MAPKBP1: variants seen among roughly 807,000 people sequenced by gnomAD.
MAPKBP1 encodes the protein mitogen-activated protein kinase-binding protein 1.
MAPKBP1 carries 71 observed loss-of-function variants against 170.5 expected under a neutral mutation model. The observed-to-expected ratio is 0.42, with a 90% CI of 0.34 to 0.51. The LOEUF (loss-of-function observed/expected upper bound fraction) is 0.51, where lower values mean the gene tolerates loss of function less well. Among genes scored for constraint, MAPKBP1 ranks in the 20% least tolerant of loss-of-function variants. The pLI is 0.06. For missense variants in MAPKBP1, 1,598 were observed against 1,933.0 expected, an observed-to-expected ratio of 0.83 and a Z score of 3.25; for synonymous variants, 719 against 757.9, an observed-to-expected ratio of 0.95 and a Z score of 0.84.
At position 41,811,302 on chromosome 15, in the gene MAPKBP1, C is replaced by T. The variant is rs1022910603; in HGVS notation, c.327+67C>T. ...GTGTCCTGGCCTCCGCAGAGAGCTG[C>T]GGTCCTAGGCCTGCTGTCACTTTGG... On this transcript the variant is annotated intron_variant, in intron 5 of 30. Transcript: ENST00000457542. 16 of 1,561,342 alleles carry T rather than the reference C, an allele frequency of 1.0e-5. No homozygotes were observed. In the East Asian group the frequency reaches 1.1e-4, roughly 11 times the overall value.
In MAPKBP1 at chr15:41,817,364, C is replaced by T. The variant is rs753924740; in HGVS notation, c.1712-24C>T. 6.8e-6 allele frequency: 11 copies of T among 1,612,968 alleles called. No homozygotes were observed. In the South Asian group the frequency reaches 1.1e-4, roughly 16 times the overall value. ...TCCCATGTGGTGAGAACAGTGGGAA[C>T]AGCTGGGCTTCCCTCCTTCATAGCC... is the stretch of plus-strand genomic sequence containing the variant. On this transcript the variant is annotated intron_variant, in intron 14 of 30. Coordinates refer to ENST00000457542, the MANE Select transcript of MAPKBP1 (RefSeq NM_014994.3). The surrounding 1 kb of genome is among the most constrained non-coding windows in gnomAD (Gnocchi z 4.2).
At position 41,824,456 on chromosome 15, in the gene MAPKBP1, C is replaced by G. The variant is rs989120243; in HGVS notation, c.4214-28C>G. The G allele has an allele frequency of 2.6e-6, 4 of 1,559,124 alleles. No individual in the cohort carries two copies. The African/African-American group carries it at 5.4e-5, about 21-fold the overall frequency. On this transcript the variant is annotated intron_variant, in intron 29 of 30. Transcript: ENST00000457542. ...GGCCTGAAAGGGCTACATGCTGGGC[C>G]TCACTGAGCTGTATCCGTCTCTTTC...
intron 2 of MAPKBP1, 79 bp downstream of exon 2, chr15:41,775,468 G>C (rs1044569739): frequency 9.4e-7 from 1 of 1,065,464 alleles, no homozygotes; most frequent in Admixed American, 1.9e-5. Flanking sequence ...CCTGTTTCTT[G>C]GGAAAGATAA....
Position 41,818,986 on chromosome 15 carries a change from G to A in MAPKBP1, c.2291+29G>A. The A allele has an allele frequency of 2.5e-6, 4 of 1,609,932 alleles. No homozygotes were observed. Among genetic ancestry groups the A allele is most frequent in the Middle Eastern group, 1.7e-4 (1 of 6,050 alleles). ...AGAACAGAATGTGGGCAAGTGATGG[G>A]TGGGTGTGCAGATGGCTTGCTGGGA... On this transcript the variant is annotated intron_variant, in intron 20 of 30. Coordinates refer to ENST00000457542, the MANE Select transcript of MAPKBP1 (RefSeq NM_014994.3). This position sits in a 1 kb window ranked among gnomAD's most constrained non-coding sequence, Gnocchi z 5.2.
chr15:41,822,809 C>T, intron 27 of MAPKBP1, 130 bp from the exon 28 acceptor site: 1 of 1,460,908 alleles, frequency 6.8e-7, no homozygotes, highest in African/African-American at 1.4e-5. Context: ...GGCTAACTGG[C>T]CTTTCCCCAG....
rs761535097 is a variant in MAPKBP1, at chr15:41,820,899, G to A, written c.2549G>A (p.Arg850His). ...AACCCAGGACCCAGAAGAAGAGGGC[G>A]CTGGGTTCAGCCAGGTGTGGAACTG... ...AANPGPRRRG[R>H]WVQPGVELSV... is the part of the protein sequence containing the mutation. Residue 850 changes from arginine (R) to histidine (H), a missense_variant, in exon 23 of 31, where the codon CGC becomes CAC. Physicochemically the swap from Arg to His is conservative, Grantham distance 29. Around this residue, in one of 6 missense-constraint regions of MAPKBP1, gnomAD observed 942 missense variants for 953.2 expected, o/e 0.99. Transcript: ENST00000457542. 43 of 1,614,156 alleles carry A rather than the reference G, an allele frequency of 2.7e-5. No homozygotes were observed. The highest frequency in any genetic ancestry group is 2.3e-4 in the Admixed American group (14 of 60,004).
chr15:41,799,468 C>G (rs2064552934), intron 2 of MAPKBP1, among the ~76,000 whole-genome samples: 1 of 152,150 alleles, frequency 6.6e-6, no homozygotes, highest in Non-Finnish European at 1.5e-5. Context: ...CTCACAGACC[C>G]AAGAGTCTAG....
Position 41,815,309 on chromosome 15 carries a change from C to T in MAPKBP1, c.1221C>T (p.Ser407=), listed in dbSNP as rs766915233. Residue 407 remains serine (S), a synonymous_variant, in exon 11 of 31, where the codon TCC becomes TCT. Transcript: ENST00000457542. ...ACCAGGCCTGCCTGCCCCCCAGTTC[C>T]TTTATTACCTGCTCCTCAGACAACA... ...DSNQACLPPS[S]FITCSSDNTI... 1.4e-5 allele frequency: 23 copies of T among 1,614,104 alleles called. No homozygotes were observed. The Admixed American group carries it at 3.8e-4, about 27-fold the overall frequency.
rs952522492 is a variant in MAPKBP1 at position 41,811,517 on chromosome 15, G to A, written c.327+282G>A. 6 of 669,612 alleles carry A rather than the reference G, an allele frequency of 9.0e-6. No homozygotes were observed. The African/African-American group carries it at 1.1e-4, about 12-fold the overall frequency. 41.5% of individuals were successfully genotyped at this position (669,612 alleles called of 1,614,324 possible). A position where few individuals can be genotyped will look rare whatever the true frequency, so the allele number is the denominator to read the frequency against. On this transcript the variant is annotated intron_variant, in intron 5 of 30. Coordinates refer to ENST00000457542, the MANE Select transcript of MAPKBP1 (RefSeq NM_014994.3). ...TGCATTTGTAACAAGTTCCCAGAGA[G>A]TGCTGATCCTGCTGGTGAAGGAAGC...
rs753620741 is a variant in MAPKBP1 at position 41,811,193 on chromosome 15, C to T, written c.285C>T (p.Ala95=). The T allele has an allele frequency of 6.2e-7, 1 of 1,614,226 alleles. No homozygotes were observed. The highest frequency in any genetic ancestry group is 2.2e-5 in the East Asian group (1 of 44,878). Residue 95 remains alanine (A), a synonymous_variant, in exon 5 of 31, where the codon GCC becomes GCT. Transcript: ENST00000457542. ...ILNSSRKTIT[A]LAFSPDGKYL... ...TCTCTTGCAGGAAAACCATCACTGCCCTTGCCTTCTCCCCTGATGGCAAGT... is the reference window on the plus strand; with the variant it reads ...TCTCTTGCAGGAAAACCATCACTGCTCTTGCCTTCTCCCCTGATGGCAAGT...
At chr15:41,804,858 T>C (rs2064662411) in intron 3 of MAPKBP1, among the ~76,000 whole-genome samples, 1 of 152,236 alleles carries the variant, frequency 6.6e-6, no homozygotes, top group Non-Finnish European at 1.5e-5. Context: ...AATGGCTTCT[T>C]TTCTGGGTGT....
intron 2 of MAPKBP1, among the ~76,000 whole-genome samples, chr15:41,780,577 T>C (rs1408385473): frequency 6.6e-6 from 1 of 152,234 alleles, no homozygotes; most frequent in Non-Finnish European, 1.5e-5. Flanking sequence ...TTATACTTCA[T>C]GTTCCCACTG....
chr15:41,805,718 T>C (rs1208999105), intron 3 of MAPKBP1, among the ~76,000 whole-genome samples: 1 of 152,210 alleles, frequency 6.6e-6, no homozygotes, highest in African/African-American at 2.4e-5. Context: ...CCTCCTGAAC[T>C]GTGTTCTCGT....
At chr15:41,775,509 CAT>C (rs1351712363) in intron 2 of MAPKBP1, 120 bp downstream of exon 2, 2 of 721,950 alleles carry the variant, frequency 2.8e-6, no homozygotes, top group East Asian at 2.7e-5. Flanking sequence ...TAAAGGATCA[CAT>C]ATGATCTCTG....
chr15:41,799,508 T>A (rs2064553654), intron 2 of MAPKBP1, among the ~76,000 whole-genome samples: 1 of 152,174 alleles, frequency 6.6e-6, no homozygotes, highest in Admixed American at 6.5e-5. Flanking sequence ...AGCTTATACA[T>A]GGTACCTTCC....
In MAPKBP1 at chr15:41,815,381, C is replaced by A; in HGVS notation, c.1293C>A (p.Thr431=). 6.2e-7 allele frequency: 1 copy of A among 1,614,214 alleles called. No homozygotes were observed. The highest frequency in any genetic ancestry group is 8.5e-7 in the Non-Finnish European group (1 of 1,180,040). Residue 431 remains threonine, a synonymous_variant, in exon 11 of 31, where the codon ACC becomes ACA. Transcript: ENST00000457542. The stretch of plus-strand genomic sequence containing the variant: ...AGAGCTCCGGGGTGCATGGCTCCAC[C>A]CTCCACCGAAACATCCTCAGCAGTG... ...NTESSGVHGS[T]LHRNILSSDL...
At chr15:41,821,341 G>A in intron 23 of MAPKBP1, 1 of 607,952 alleles carries the variant, frequency 1.6e-6, no homozygotes, top group Non-Finnish European at 2.9e-6. Context: ...GTAGCTGGAG[G>A]TTGGCAGCCC....
intron 3 of MAPKBP1, among the ~76,000 whole-genome samples, chr15:41,808,403 C>T (rs2064742313): frequency 6.6e-6 from 1 of 151,844 alleles, no homozygotes. Context: ...CCACTCCCGG[C>T]TCTGTTATAA....
Position 41,817,837 on chromosome 15 carries a change from T to C in MAPKBP1, c.1904+102T>C. 6.3e-7 allele frequency: 1 copy of C among 1,576,716 alleles called. No homozygotes were observed. Among genetic ancestry groups the C allele is most frequent in the South Asian group, 1.2e-5 (1 of 86,452 alleles). Reference sequence around the variant, plus strand: ...ACATCTGTCGTTCTGTACAGGACTTTGTACCCCCTTGAGCCTACAGTACTT... The same window carrying C: ...ACATCTGTCGTTCTGTACAGGACTTCGTACCCCCTTGAGCCTACAGTACTT... On this transcript the variant is annotated intron_variant, in intron 16 of 30. Coordinates refer to ENST00000457542, the MANE Select transcript of MAPKBP1 (RefSeq NM_014994.3). This position sits in a 1 kb window ranked among gnomAD's most constrained non-coding sequence, Gnocchi z 4.2.
Sources: allele counts gnomAD v4.1 joint callset (sites outside exome capture counted in the v4.1 genomes callset), GRCh38; gene constraint gnomAD v4.1.1; regional missense constraint gnomAD v4.1.1; non-coding constraint Gnocchi (gnomAD v3.1); transcripts MANE v1.5; gene names NCBI Gene and HGNC (gene_info 2026-07-23, HGNC 2026-07-21).